Variants in ACTR1A observed in about 807,000 individuals in gnomAD.
ACTR1A encodes the protein actin related protein 1A, also known as alpha-centractin.
In ACTR1A, 10 loss-of-function variants were observed where a neutral mutation model predicts 50.7. The observed-to-expected ratio is 0.20, with a 90% CI of 0.12 to 0.33. ACTR1A has a LOEUF of 0.33. Ranked by LOEUF, ACTR1A falls within the 10% of genes least tolerant of loss-of-function variation. ACTR1A has a pLI of 1.00. For missense variants in ACTR1A, 253 were observed against 491.7 expected (o/e 0.51, Z 4.59); for synonymous variants, 177 against 184.2 (o/e 0.96, Z 0.32).
At chr10:102,484,529 G>C (rs1182453994) in intron 5 of ACTR1A, among the ~76,000 whole-genome samples, 153 bp from the exon 6 acceptor site, 2 of 152,176 alleles carry the variant, frequency 1.3e-5, no homozygotes. Context: ...AGGAAGCCCA[G>C]GTGTTGGAGC....
rs1196263205 is a variant in ACTR1A at position 102,480,522 on chromosome 10, G to A, written c.*341C>T. The A allele has an allele frequency of 2.5e-5, 8 of 317,788 alleles. No individual in the cohort carries two copies. The highest frequency in any genetic ancestry group is 4.4e-5 in the Admixed American group (1 of 22,582). 19.7% of individuals were successfully genotyped at this position (317,788 alleles called of 1,614,324 possible). A position where few individuals can be genotyped will look rare whatever the true frequency, so the allele number is the denominator to read the frequency against. ...AGGATGGTCAGCAGCAAGGTCTCCC[G>A]GGGGATGGCTTACCTCCCTCTGTCT... On this transcript the variant is annotated 3_prime_UTR_variant, in exon 11 of 11. Coordinates refer to ENST00000369905, the MANE Select transcript of ACTR1A (RefSeq NM_005736.4).
chr10:102,489,002 TGTGGTGAATAATG>T, intron 3 of ACTR1A, 48 bp downstream of exon 3: 1 of 1,281,082 alleles, frequency 7.8e-7, no homozygotes, highest in Non-Finnish European at 1.1e-6. Context: ...ACATGTTCCA[TGTGGTGAATAATG>T]AAGGTCCTCT....
intron 1 of ACTR1A, among the ~76,000 whole-genome samples, chr10:102,499,401 T>G (rs955107777): frequency 6.6e-6 from 1 of 152,268 alleles, no homozygotes; most frequent in Middle Eastern, 3.4e-3. Context: ...ATGACTTAAG[T>G]TTCTCCTACT....
intron 4 of ACTR1A, among the ~76,000 whole-genome samples, chr10:102,486,315 C>A (rs987033114): frequency 6.6e-6 from 1 of 152,118 alleles, no homozygotes; most frequent in Admixed American, 6.5e-5. Flanking sequence ...CCACCCCAAA[C>A]CCCCACCCCC....
intron 1 of ACTR1A, among the ~76,000 whole-genome samples, chr10:102,492,707 A>G (rs2062200236): frequency 6.6e-6 from 1 of 152,010 alleles, no homozygotes; most frequent in African/African-American, 2.4e-5. Flanking sequence ...GGAGGAAGCA[A>G]GTGGTTGAAG....
intron 1 of ACTR1A, among the ~76,000 whole-genome samples, chr10:102,498,714 C>A (rs994707763): frequency 5.3e-5 from 8 of 151,730 alleles, no homozygotes; most frequent in Non-Finnish European, 1.2e-4. Flanking sequence ...CTCAAACGAT[C>A]TTCCAGCCTT....
chr10:102,483,099 GCT>G lies in ACTR1A; in HGVS notation c.660_661del (p.Arg220SerfsTer12). On this transcript the variant is annotated frameshift_variant and splice_region_variant, in exon 7 of 11. Transcript: ENST00000369905. LOFTEE classifies it high-confidence loss of function. Reference sequence around the variant, plus strand: ...TTGGGGGTTTATGGATAGGTAACAGGCTCTCTGCAGATCCAAGCAAGACAGTC... The same window carrying G: ...TTGGGGGTTTATGGATAGGTAACAGGCTCTGCAGATCCAAGCAAGACAGTC... 1 of 1,613,294 alleles carries G rather than the reference GCT, an allele frequency of 6.2e-7. No individual in the cohort carries two copies. Among genetic ancestry groups the G allele is most frequent in the East Asian group, 2.2e-5 (1 of 44,868 alleles).
chr10:102,500,524 G>A lies in ACTR1A; in HGVS notation c.48+2076C>T, dbSNP rs986762165. ...GCGGAGCTTGCAGTGAGCCGAGATC[G>A]CGCCACTGCACTCCAGCCTGGGCGA... On this transcript the variant is annotated intron_variant, in intron 1 of 10. Coordinates refer to ENST00000369905, the MANE Select transcript of ACTR1A (RefSeq NM_005736.4). Among the ~76,000 whole-genome samples the A allele has an allele frequency of 2.0e-5, 3 of 152,206 alleles. No individual in the cohort carries two copies. The East Asian group carries it at 5.8e-4, about 29-fold the overall frequency.
At chr10:102,485,416 CCTT>C (rs1225884304) in intron 5 of ACTR1A, among the ~76,000 whole-genome samples, 190 bp downstream of exon 5, 24 of 152,328 alleles carry the variant, frequency 1.6e-4, no homozygotes, top group South Asian at 4.1e-4. Flanking sequence ...AGCCACATGT[CCTT>C]CTTTGCTTTC....
At position 102,482,522 on chromosome 10, in the gene ACTR1A, A is replaced by T. The variant is rs1196733886; in HGVS notation, c.751-347T>A. On this transcript the variant is annotated intron_variant, in intron 7 of 10. Transcript: ENST00000369905. The surrounding 1 kb of genome is among the most constrained non-coding windows in gnomAD (Gnocchi z 5.6). ...GCACCCAGGTGTGGTGAAGGATGGCACTAACCATCCCACTTCCTAATCTCA... is the reference window on the plus strand; with the variant it reads ...GCACCCAGGTGTGGTGAAGGATGGCTCTAACCATCCCACTTCCTAATCTCA... 6.0e-6 allele frequency: 2 copies of T among 333,656 alleles called. No homozygotes were observed. The highest frequency in any genetic ancestry group is 1.1e-5 in the Non-Finnish European group (2 of 179,740). 20.7% of individuals were successfully genotyped at this position (333,656 alleles called of 1,614,324 possible). A position where few individuals can be genotyped will look rare whatever the true frequency, so the allele number is the denominator to read the frequency against.
intron 1 of ACTR1A, among the ~76,000 whole-genome samples, chr10:102,499,319 T>G (rs891234978): frequency 3.3e-5 from 5 of 152,174 alleles, no homozygotes; most frequent in African/African-American, 7.2e-5. Flanking sequence ...CCCCCAAATG[T>G]TAAACAACAA....
At chr10:102,501,160 T>C (rs2062249629) in intron 1 of ACTR1A, among the ~76,000 whole-genome samples, 1 of 150,372 alleles carries the variant, frequency 6.7e-6, no homozygotes. Context: ...AAAATACCCA[T>C]GGAGAGAAGG....
intron 5 of ACTR1A, 32 bp downstream of exon 5, chr10:102,485,577 C>T (rs765743260): frequency 1.1e-5 from 17 of 1,611,206 alleles, no homozygotes; most frequent in East Asian, 2.2e-5. Context: ...CTGCTTTCCC[C>T]GCAGGGGCCG....
In ACTR1A at chr10:102,480,632, T is replaced by C; in HGVS notation, c.*231A>G. On this transcript the variant is annotated 3_prime_UTR_variant, in exon 11 of 11. Transcript: ENST00000369905. ...CAGCCTCTGCCAGCGCTCTTCCCTG[T>C]CAGGAGCCAGTTAGTGGTCAACCCC... 1.8e-6 allele frequency: 1 copy of C among 571,126 alleles called. No homozygotes were observed. The highest frequency in any genetic ancestry group is 3.0e-5 in the Admixed American group (1 of 33,134). 35.4% of individuals were successfully genotyped at this position (571,126 alleles called of 1,614,324 possible).
intron 1 of ACTR1A, among the ~76,000 whole-genome samples, chr10:102,494,078 G>A (rs1207207010): frequency 6.6e-6 from 1 of 152,214 alleles, no homozygotes; most frequent in Admixed American, 6.6e-5. Context: ...GCATACAAAA[G>A]GGTTATGTCC....
At position 102,490,618 on chromosome 10, in the gene ACTR1A, GGAAA is replaced by G. The variant is rs1163003101; in HGVS notation, c.49-9_49-6del. 1 of 1,610,440 alleles carries G rather than the reference GGAAA, an allele frequency of 6.2e-7. No homozygotes were observed. Among genetic ancestry groups the G allele is most frequent in the African/African-American group, 1.3e-5 (1 of 74,938 alleles). On this transcript the variant is annotated splice_polypyrimidine_tract_variant and splice_region_variant and intron_variant, in intron 1 of 10. Coordinates refer to ENST00000369905, the MANE Select transcript of ACTR1A (RefSeq NM_005736.4). Reference sequence around the variant, plus strand: ...AGCTTTAATCACACCGGATCCCTGAGGAAAGAGGAGAGAGAATGAGGAGTCAGAA... The same window carrying G: ...AGCTTTAATCACACCGGATCCCTGAGGAGGAGAGAGAATGAGGAGTCAGAA...
Position 102,483,115 on chromosome 10 carries a change from A to G in ACTR1A, c.658-12T>C, listed in dbSNP as rs1201368431. On this transcript the variant is annotated splice_polypyrimidine_tract_variant and intron_variant, in intron 6 of 10. Coordinates refer to ENST00000369905, the MANE Select transcript of ACTR1A (RefSeq NM_005736.4). ...AGGTAACAGGCTCTCTGCAGATCCA[A>G]GCAAGACAGTCAGGCTGGCAGGAAA... The G allele has an allele frequency of 1.2e-6, 2 of 1,604,956 alleles. No individual in the cohort carries two copies. The highest frequency in any genetic ancestry group is 1.7e-5 in the Admixed American group (1 of 60,020).
At position 102,483,113 on chromosome 10, in the gene ACTR1A, C is replaced by A; in HGVS notation, c.658-10G>T. 6.2e-7 allele frequency: 1 copy of A among 1,605,816 alleles called. No individual in the cohort carries two copies. Among genetic ancestry groups the A allele is most frequent in the Non-Finnish European group, 8.5e-7 (1 of 1,172,420 alleles). ...ATAGGTAACAGGCTCTCTGCAGATC[C>A]AAGCAAGACAGTCAGGCTGGCAGGA... On this transcript the variant is annotated splice_polypyrimidine_tract_variant and intron_variant, in intron 6 of 10. Transcript: ENST00000369905.
At chr10:102,481,751 G>A in intron 9 of ACTR1A, 86 bp downstream of exon 9, 1 of 1,515,116 alleles carries the variant, frequency 6.6e-7, no homozygotes, top group South Asian at 1.1e-5. Flanking sequence ...GAAGAGCTTG[G>A]GCAAAGCTAG....
Sources: gnomAD v4.1 joint callset for allele counts (sites outside exome capture counted in the v4.1 genomes callset) on GRCh38, gnomAD v4.1.1 for gene constraint, Gnocchi (gnomAD v3.1) non-coding constraint, MANE v1.5 for transcripts, NCBI Gene and HGNC (gene_info 2026-07-23, HGNC 2026-07-21) for gene names.